FANCD2: variants seen among roughly 807,000 people sequenced by gnomAD.
The protein encoded by FANCD2 is Fanconi anemia group D2 protein.
FANCD2 carries 131 observed loss-of-function variants against 192.3 expected under a neutral mutation model. The ratio of observed to expected loss-of-function variants is 0.68; its 90% confidence interval spans 0.59 to 0.79. The LOEUF is 0.79. Among genes scored for constraint, FANCD2 ranks in the 30% least tolerant of loss-of-function variants. The pLI, the probability that FANCD2 is intolerant of heterozygous loss-of-function variation, is 0.00. For missense variants in FANCD2, 1,508 were observed against 1,701.6 expected, an observed-to-expected ratio of 0.89 and a Z score of 2.00; for synonymous variants, 524 against 612.5, an observed-to-expected ratio of 0.86 and a Z score of 2.13.
intron 22 of FANCD2, 35 bp from the exon 23 acceptor site, chr3:10,064,694 G>A (rs1200906781): frequency 1.2e-6 from 2 of 1,612,504 alleles, no homozygotes; most frequent in Non-Finnish European, 1.7e-6. Flanking sequence ...GCGTATTCCT[G>A]AGCTGCAACA....
chr3:10,072,982 G>A lies in FANCD2; in HGVS notation c.2605+1G>A, dbSNP rs142365855. The stretch of plus-strand genomic sequence containing the variant: ...AAAATCAGAAAGAAAGGAAAAATAG[G>A]TAAGTATGTTCTTTTCCTCTTGTCT... On this transcript the variant is annotated splice_donor_variant, in intron 27 of 43. Transcript: ENST00000675286. LOFTEE classifies it high-confidence loss of function. The A allele has an allele frequency of 6.0e-5, 89 of 1,488,850 alleles. No homozygotes were observed. In the Middle Eastern group the frequency reaches 2.4e-3, roughly 40 times the overall value. 92.2% of individuals were successfully genotyped at this position (1,488,850 alleles called of 1,614,324 possible). A position where few individuals can be genotyped will look rare whatever the true frequency, so the allele number is the denominator to read the frequency against.
rs1559394793 is a variant in FANCD2, at chr3:10,073,345, A to G, written c.2698A>G (p.Arg900Gly). 7.4e-6 allele frequency: 12 copies of G among 1,612,018 alleles called. No individual in the cohort carries two copies. Among genetic ancestry groups the G allele is most frequent in the South Asian group, 1.1e-5 (1 of 91,040 alleles). Residue 900 changes from arginine to glycine, a missense_variant, in exon 28 of 44, where the codon AGA (arginine) becomes GGA (glycine). Arg to Gly is a moderately radical substitution (Grantham distance 125). Transcript: ENST00000675286. ...NSECDPTPSH[R>G]GQLNKEFTGK... is the part of the protein sequence containing the mutation. ...AGAATGTGACCCTACGCCATCTCAT[A>G]GAGGCCAGCTAAACAAGGTATTGGA... is the stretch of plus-strand genomic sequence containing the variant.
rs531575421 is a variant in FANCD2, at chr3:10,066,029, A to G, written c.2385+50A>G. On this transcript the variant is annotated intron_variant, in intron 25 of 43. Coordinates refer to ENST00000675286, the MANE Select transcript of FANCD2 (RefSeq NM_001018115.3). ...CACTTATTGTGCATAGTTTTTCTCAAAACTATTTTCTTAGTTCCCACAAGA... is the reference window on the plus strand; with the variant it reads ...CACTTATTGTGCATAGTTTTTCTCAGAACTATTTTCTTAGTTCCCACAAGA... 58 of 1,234,974 alleles carry G rather than the reference A, an allele frequency of 4.7e-5. 1 individual carries two copies. In the South Asian group the frequency reaches 5.6e-4, roughly 12 times the overall value. 76.5% of individuals were successfully genotyped at this position (1,234,974 alleles called of 1,614,324 possible).
chr3:10,048,548 G>A (rs35947447), intron 16 of FANCD2, among the ~76,000 whole-genome samples: 4,386 of 140,252 alleles, frequency 0.031, 207 homozygotes, highest in African/African-American at 0.11. Context: ...CAGGTGAACC[G>A]CCTGCCTCAG....
intron 40 of FANCD2, among the ~76,000 whole-genome samples, chr3:10,094,610 AT>A (rs757018488): frequency 6.6e-6 from 1 of 151,642 alleles, no homozygotes; most frequent in Non-Finnish European, 1.5e-5. Context: ...TTTTAGCTTG[AT>A]TTTATTGTGC....
rs1174238827 is a variant in FANCD2 at position 10,085,800 on chromosome 3, T to G, written c.3225-12T>G. On this transcript the variant is annotated splice_polypyrimidine_tract_variant and intron_variant, in intron 32 of 43. Transcript: ENST00000675286. ...GAAACTAAGCTAACCCCTCTTACCT[T>G]GACTTCCTTAGGAGTGGATTTTCTC... The G allele has an allele frequency of 6.3e-7, 1 of 1,586,696 alleles. No homozygotes were observed.
At position 10,073,038 on chromosome 3, in the gene FANCD2, C is replaced by T; in HGVS notation, c.2605+57C>T. On this transcript the variant is annotated intron_variant, in intron 27 of 43. Coordinates refer to ENST00000675286, the MANE Select transcript of FANCD2 (RefSeq NM_001018115.3). The stretch of plus-strand genomic sequence containing the variant: ...CTCTAAATAAGCTTCATTGAATTAA[C>T]CTAAAAGTTATGTGTATCATGGCAT... 4 of 1,065,144 alleles carry T rather than the reference C, an allele frequency of 3.8e-6. No individual in the cohort carries two copies. The South Asian group carries it at 5.2e-5, about 14-fold the overall frequency. 66.0% of individuals were successfully genotyped at this position (1,065,144 alleles called of 1,614,324 possible).
rs1379648514 is a variant in FANCD2 at position 10,062,239 on chromosome 3, T to A, written c.1827+28T>A. 2.5e-6 allele frequency: 4 copies of A among 1,599,496 alleles called. No homozygotes were observed. The Admixed American group carries it at 5.1e-5, about 20-fold the overall frequency. On this transcript the variant is annotated intron_variant, in intron 20 of 43. Transcript: ENST00000675286. ...GAGTTCTTTTTTTCCTTTCTTTCTT[T>A]TTCCTGTCTTTTTTTTTTTTTTAGA... is the stretch of plus-strand genomic sequence containing the variant.
At chr3:10,072,261 A>AAT (rs1161522321) in intron 26 of FANCD2, among the ~76,000 whole-genome samples, 7 of 151,402 alleles carry the variant, frequency 4.6e-5, no homozygotes, top group East Asian at 1.9e-4. Flanking sequence ...GTGCGCCATA[A>AAT]ATATATATAT....
At position 10,042,976 on chromosome 3, in the gene FANCD2, A is replaced by G. The variant is rs1437760713; in HGVS notation, c.889-74A>G. Reference sequence around the variant, plus strand: ...TTCCTCAGTCTTTCAGGAGATTGTCATGGTAGAGAGACTGGACTGTGCCTA... The same window carrying G: ...TTCCTCAGTCTTTCAGGAGATTGTCGTGGTAGAGAGACTGGACTGTGCCTA... On this transcript the variant is annotated intron_variant, in intron 11 of 43. Coordinates refer to ENST00000675286, the MANE Select transcript of FANCD2 (RefSeq NM_001018115.3). The G allele has an allele frequency of 1.4e-5, 18 of 1,284,806 alleles. No homozygotes were observed. In the South Asian group the frequency reaches 1.9e-4, roughly 14 times the overall value. 79.6% of individuals were successfully genotyped at this position (1,284,806 alleles called of 1,614,324 possible).
chr3:10,074,476 T>G, intron 28 of FANCD2, 54 bp from the exon 29 acceptor site: 2 of 1,486,726 alleles, frequency 1.3e-6, no homozygotes, highest in Non-Finnish European at 9.2e-7. Flanking sequence ...TTATTAAAAT[T>G]CGATTAATAT....
rs2086682291 is a variant in FANCD2, at chr3:10,034,500, C to G, written c.237C>G (p.Leu79=). 2 of 1,613,316 alleles carry G rather than the reference C, an allele frequency of 1.2e-6. No individual in the cohort carries two copies. Among genetic ancestry groups the G allele is most frequent in the Non-Finnish European group, 1.7e-6 (2 of 1,179,346 alleles). The part of the protein sequence containing the change: ...AVDQIAFQKK[L]FQTLRRHPSY... The stretch of plus-strand genomic sequence containing the variant: ...ATCAAATAGCTTTCCAAAAGAAGCT[C>G]TTTCAGACCCTGAGGAGACACCCTT... Residue 79 remains leucine, a synonymous_variant, in exon 4 of 44, where the codon CTC becomes CTG. Transcript: ENST00000675286.
chr3:10,048,702 T>C (rs1277808520), intron 16 of FANCD2, among the ~76,000 whole-genome samples: 1 of 152,252 alleles, frequency 6.6e-6, no homozygotes, highest in Non-Finnish European at 1.5e-5. Context: ...TTTTGTATTT[T>C]TACATATATT....
In FANCD2 at chr3:10,088,513, C is replaced by A. The variant is rs753964157; in HGVS notation, c.3531C>A (p.Ile1177=). Residue 1177 remains isoleucine (I), a synonymous_variant, in exon 35 of 44, where the codon ATC becomes ATA. Coordinates refer to ENST00000675286, the MANE Select transcript of FANCD2 (RefSeq NM_001018115.3). ...WPSGDKEKSN[I]SNDQLHALLC... ...GTGGGGATAAAGAGAAGAGCAACAT[C>A]TCTAATGACCAGCTCCATGCTCTGC... The A allele has an allele frequency of 6.2e-7, 1 of 1,609,552 alleles. No homozygotes were observed. The highest frequency in any genetic ancestry group is 8.5e-7 in the Non-Finnish European group (1 of 1,175,820).
chr3:10,042,051 C>T (rs2086877866), intron 10 of FANCD2, among the ~76,000 whole-genome samples: 1 of 152,076 alleles, frequency 6.6e-6, no homozygotes, highest in Non-Finnish European at 1.5e-5. Context: ...GCACCTGCCA[C>T]CACTCCCGGC....
rs1394594812 is a variant in FANCD2 at position 10,036,343 on chromosome 3, A to G, written c.491+4A>G. On this transcript the variant is annotated splice_donor_region_variant and intron_variant, in intron 7 of 43. Coordinates refer to ENST00000675286, the MANE Select transcript of FANCD2 (RefSeq NM_001018115.3). ...TGCCAGAATATTTTTTTGAAAAGTAAGTGGCGTTATTATGGAATGTTCAAA... is the reference window on the plus strand; with the variant it reads ...TGCCAGAATATTTTTTTGAAAAGTAGGTGGCGTTATTATGGAATGTTCAAA... 1.2e-6 allele frequency: 2 copies of G among 1,609,044 alleles called. No individual in the cohort carries two copies. Among genetic ancestry groups the G allele is most frequent in the Non-Finnish European group, 1.7e-6 (2 of 1,175,638 alleles).
chr3:10,080,940 A>T (rs770610141), intron 30 of FANCD2, among the ~76,000 whole-genome samples, 160 bp from the exon 31 acceptor site: 3 of 152,186 alleles, frequency 2.0e-5, no homozygotes, highest in Non-Finnish European at 4.4e-5. Flanking sequence ...ATGGAGCAAG[A>T]TTTTTATCCC....
chr3:10,031,364 G>T (rs919808563), intron 2 of FANCD2, among the ~76,000 whole-genome samples: 1 of 152,068 alleles, frequency 6.6e-6, no homozygotes, highest in Non-Finnish European at 1.5e-5. Context: ...TTAGCCGGGC[G>T]TGGTGGTGTG....
At chr3:10,055,988 C>G (rs748156184) in intron 18 of FANCD2, among the ~76,000 whole-genome samples, 1 of 152,124 alleles carries the variant, frequency 6.6e-6, no homozygotes. Flanking sequence ...AAGCAGTTCT[C>G]TTGCCTCAGC....
Sources: allele counts gnomAD v4.1 joint callset (sites outside exome capture counted in the v4.1 genomes callset), GRCh38; gene constraint gnomAD v4.1.1; transcripts MANE v1.5; gene names NCBI Gene and HGNC (gene_info 2026-07-23, HGNC 2026-07-21).